Variants in ZC3H4 observed in about 807,000 individuals in gnomAD.
ZC3H4 encodes zinc finger CCCH-type containing 4.
A neutral mutation model predicts 108.3 loss-of-function variants in ZC3H4; 13 were observed. The observed-to-expected ratio is 0.12, with a 90% CI of 0.08 to 0.19. The LOEUF is 0.19. Among genes scored for constraint, ZC3H4 ranks in the 10% least tolerant of loss-of-function variants. ZC3H4 has a pLI of 1.00. For synonymous variants in ZC3H4, 917 were observed against 749.6 expected (o/e 1.22, Z -3.65); for missense variants, 1,734 against 1,838.8 (o/e 0.94, Z 1.04).
intron 2 of ZC3H4, among the ~76,000 whole-genome samples, chr19:47,094,972 G>A (rs16980828): frequency 0.011 from 1,707 of 152,334 alleles, 21 homozygotes; most frequent in African/African-American, 0.04. Flanking sequence ...AATGCTTAAC[G>A]CTGCACAACT....
chr19:47,111,376 A>C (rs566041691), intron 2 of ZC3H4, among the ~76,000 whole-genome samples: 17 of 152,244 alleles, frequency 1.1e-4, no homozygotes, highest in South Asian at 1.0e-3. Flanking sequence ...TTCGGACTTA[A>C]TAAAGAGAAG....
Position 47,112,594 on chromosome 19 carries a change from G to A in ZC3H4, c.-5-5C>T. The A allele has an allele frequency of 2.5e-6, 3 of 1,201,666 alleles. No individual in the cohort carries two copies. The highest frequency in any genetic ancestry group is 4.2e-5 in the Admixed American group (1 of 23,632). The allele number at this position is 1,201,666 out of a possible 1,614,324, so 74.4% of individuals were successfully genotyped here. ...CGGGCGCGGCCTCCATAGTTCCTTT[G>A]GGGGGGAGGGGATGTTAATGCACGA... On this transcript the variant is annotated splice_region_variant and splice_polypyrimidine_tract_variant and intron_variant, in intron 1 of 14. Transcript: ENST00000253048.
Position 47,112,421 on chromosome 19 carries a change from G to A in ZC3H4, c.161+3C>T, listed in dbSNP as rs1468377590. 4 of 1,234,914 alleles carry A rather than the reference G, an allele frequency of 3.2e-6. No homozygotes were observed. The highest frequency in any genetic ancestry group is 4.0e-6 in the Non-Finnish European group (4 of 987,842). The allele number at this position is 1,234,914 out of a possible 1,614,324, so 76.5% of individuals were successfully genotyped here. A position where few individuals can be genotyped will look rare whatever the true frequency, so the allele number is the denominator to read the frequency against. On this transcript the variant is annotated splice_donor_region_variant and intron_variant, in intron 2 of 14. Coordinates refer to ENST00000253048, the MANE Select transcript of ZC3H4 (RefSeq NM_015168.2). ...GCAGCCCCGGCCCAACCGGGGGCCT[G>A]ACCTGTCGTCAGGGAGCGGGAGGCG...
chr19:47,094,066 A>G lies in ZC3H4; in HGVS notation c.396T>C (p.Ser132=). Reference sequence around the variant, plus strand: ...CTGAGAAGTCAGAGAAGTCATCGCTAGAAGAAGCATGGCGCTGTAATGACA... The same window carrying G: ...CTGAGAAGTCAGAGAAGTCATCGCTGGAAGAAGCATGGCGCTGTAATGACA... ...RKSKHKRHAS[S]SDDFSDFSDD... The change falls in exon 4 of 15, where the codon TCT becomes TCC. Residue 132 remains serine, a synonymous_variant. Coordinates refer to ENST00000253048, the MANE Select transcript of ZC3H4 (RefSeq NM_015168.2). 1 of 1,614,184 alleles carries G rather than the reference A, an allele frequency of 6.2e-7. No individual in the cohort carries two copies. Among genetic ancestry groups the G allele is most frequent in the Non-Finnish European group, 8.5e-7 (1 of 1,180,022 alleles).
At chr19:47,100,064 T>C (rs1429019179) in intron 2 of ZC3H4, among the ~76,000 whole-genome samples, 1 of 152,170 alleles carries the variant, frequency 6.6e-6, no homozygotes. Flanking sequence ...TCTTCAAATA[T>C]TTAACAACCA....
rs749681343 is a variant in ZC3H4, at chr19:47,067,642, C to G, written c.2626G>C (p.Ala876Pro). ...RDPRLTRHVE[A>P]SGGSGPGDSG... ...TCACCTGGGCCAGACCCGCCAGAAG[C>G]CTCCACATGGCGGGTGAGTCTGGGG... Residue 876 changes from alanine to proline, a missense_variant, in exon 15 of 15, where the codon GCT (alanine) becomes CCT (proline). Transcript: ENST00000253048. This position sits in a 1 kb window ranked among gnomAD's most constrained non-coding sequence, Gnocchi z 6.4. 6.2e-7 allele frequency: 1 copy of G among 1,604,832 alleles called. No homozygotes were observed. Among genetic ancestry groups the G allele is most frequent in the African/African-American group, 1.3e-5 (1 of 74,876 alleles).
intron 13 of ZC3H4, among the ~76,000 whole-genome samples, chr19:47,069,784 T>C (rs766726934): frequency 6.6e-6 from 1 of 152,188 alleles, no homozygotes; most frequent in Non-Finnish European, 1.5e-5. Context: ...ATGCATCTCA[T>C]AGTGAACTCG....
chr19:47,111,746 A>C (rs1252438628), intron 2 of ZC3H4, among the ~76,000 whole-genome samples: 1 of 150,948 alleles, frequency 6.6e-6, no homozygotes, highest in Non-Finnish European at 1.5e-5. Context: ...CCCGCCAAAA[A>C]ATACAAGTGC....
chr19:47,070,325 G>A (rs1328410059), intron 13 of ZC3H4, among the ~76,000 whole-genome samples: 1 of 152,152 alleles, frequency 6.6e-6, no homozygotes, highest in Non-Finnish European at 1.5e-5. Context: ...GAACCTGATG[G>A]GCCAGCCTGC....
chr19:47,078,201 T>C (rs1488100573), intron 11 of ZC3H4, among the ~76,000 whole-genome samples: 3 of 152,214 alleles, frequency 2.0e-5, no homozygotes, highest in African/African-American at 7.2e-5. Context: ...AAAATTATGT[T>C]TGGCGATAAA....
intron 13 of ZC3H4, among the ~76,000 whole-genome samples, chr19:47,070,507 G>A (rs1049730880): frequency 4.6e-5 from 7 of 152,128 alleles, no homozygotes; most frequent in African/African-American, 7.2e-5. Context: ...CCAACGTGAC[G>A]GACTTCTGGT....
intron 13 of ZC3H4, among the ~76,000 whole-genome samples, chr19:47,070,174 T>G (rs1256280687): frequency 6.6e-6 from 1 of 152,022 alleles, no homozygotes; most frequent in Non-Finnish European, 1.5e-5. Flanking sequence ...CACAGAACGC[T>G]CTGCAGTGAT....
chr19:47,083,451 G>A (rs918744433), intron 9 of ZC3H4, among the ~76,000 whole-genome samples: 4 of 152,118 alleles, frequency 2.6e-5, no homozygotes, highest in Admixed American at 1.3e-4. Context: ...GCCCGGGCAC[G>A]GTAGCTCACA....
At position 47,098,229 on chromosome 19, in the gene ZC3H4, T is replaced by A. The variant is rs139591440; in HGVS notation, c.162-3621A>T. ...AAAGACATTTCATGTTCAGACCGGGTGTGGTGGCTCATGCCTTCGGGAAGC... is the reference window on the plus strand; with the variant it reads ...AAAGACATTTCATGTTCAGACCGGGAGTGGTGGCTCATGCCTTCGGGAAGC... On this transcript the variant is annotated intron_variant, in intron 2 of 14. Transcript: ENST00000253048. Among the ~76,000 whole-genome samples, 29 of 152,256 alleles carry A rather than the reference T, an allele frequency of 1.9e-4. No homozygotes were observed. The East Asian group carries it at 4.4e-3, about 23-fold the overall frequency.
At chr19:47,103,795 T>C (rs934081661) in intron 2 of ZC3H4, among the ~76,000 whole-genome samples, 1 of 112,014 alleles carries the variant, frequency 8.9e-6, no homozygotes, top group African/African-American at 3.6e-5. Context: ...TACAAAAAAA[T>C]AAGCCAGGCG....
chr19:47,111,960 C>T (rs1049621830), intron 2 of ZC3H4, among the ~76,000 whole-genome samples: 3 of 152,116 alleles, frequency 2.0e-5, no homozygotes, highest in Non-Finnish European at 4.4e-5. Context: ...GAGATCCCCC[C>T]AAAAAGGGTC....
chr19:47,096,475 G>A (rs1467979325), intron 2 of ZC3H4, among the ~76,000 whole-genome samples: 1 of 152,262 alleles, frequency 6.6e-6, no homozygotes, highest in Non-Finnish European at 1.5e-5. Context: ...GGGAAAACTG[G>A]TTTTGTCCCA....
intron 2 of ZC3H4, among the ~76,000 whole-genome samples, chr19:47,105,346 A>T (rs763541314): frequency 1.7e-4 from 26 of 152,178 alleles, no homozygotes; most frequent in Non-Finnish European, 3.1e-4. Flanking sequence ...CATACCTGTA[A>T]TCCTATCACT....
chr19:47,067,501 T>A lies in ZC3H4; in HGVS notation c.2767A>T (p.Thr923Ser). The change falls in exon 15 of 15, where the codon ACG (threonine) becomes TCG (serine). Residue 923 changes from threonine to serine, a missense_variant. Transcript: ENST00000253048. The surrounding 1 kb of genome is among the most constrained non-coding windows in gnomAD (Gnocchi z 6.4). Reference protein sequence around the residue: ...SSSKGSGPPPTEEEEGERALR... With the variant: ...SSSKGSGPPPSEEEEGERALR... ...GCCCGCTCCCCTTCCTCCTCCTCCG[T>A]TGGGGGCGGCCCAGACCCCTTGGAA... 1 of 1,586,012 alleles carries A rather than the reference T, an allele frequency of 6.3e-7. No individual in the cohort carries two copies. Among genetic ancestry groups the A allele is most frequent in the Middle Eastern group, 1.7e-4 (1 of 5,904 alleles).
Sources: allele counts gnomAD v4.1 joint callset (sites outside exome capture counted in the v4.1 genomes callset), GRCh38; gene constraint gnomAD v4.1.1; non-coding constraint Gnocchi (gnomAD v3.1); transcripts MANE v1.5; gene names NCBI Gene and HGNC (gene_info 2026-07-23, HGNC 2026-07-21).